The following ASPM variants were observed in gnomAD, a reference collection of about 807,000 sequenced individuals.
The protein encoded by ASPM is abnormal spindle-like microcephaly-associated protein.
A neutral mutation model predicts 366.4 loss-of-function variants in ASPM; 256 were observed. The ratio of observed to expected loss-of-function variants is 0.70; its 90% CI spans 0.63 to 0.77. The LOEUF is 0.77. Ranked by LOEUF, ASPM falls within the 30% of genes least tolerant of loss-of-function variation. The probability of loss-of-function intolerance (pLI) is 0.00; values close to 1 mark genes in which losing one functional copy is unlikely to be tolerated. For missense variants in ASPM, 4,146 were observed against 4,090.4 expected, an observed-to-expected ratio of 1.01 and a Z score of -0.37; for synonymous variants, 1,414 against 1,342.9, an observed-to-expected ratio of 1.05 and a Z score of -1.16.
At position 197,142,871 on chromosome 1, in the gene ASPM, A is replaced by G. The variant is rs753088118; in HGVS notation, c.1381T>C (p.Tyr461His). ...TTATTTTGTTTTATAAAACTGTAGT[A>G]ATTTGACTTCATTTCTACTAGTTCT... ...FEELVEMKSN[Y>H]YSFIKQNNPK... The change falls in exon 3 of 28, where the codon TAC (tyrosine) becomes CAC (histidine). Residue 461 changes from tyrosine to histidine, a missense_variant. Tyr to His is a moderately conservative substitution (Grantham distance 83). Coordinates refer to ENST00000367409, the MANE Select transcript of ASPM (RefSeq NM_018136.5). 5 of 1,613,308 alleles carry G rather than the reference A, an allele frequency of 3.1e-6. No homozygotes were observed. In the South Asian group the frequency reaches 5.5e-5, roughly 18 times the overall value.
rs1275270365 is a variant in ASPM at position 197,100,758 on chromosome 1, T to C, written c.8493A>G (p.Arg2831=). The change falls in exon 18 of 28, where the codon AGA becomes AGG. Residue 2831 remains arginine (R), a synonymous_variant. Coordinates refer to ENST00000367409, the MANE Select transcript of ASPM (RefSeq NM_018136.5). ...CAGCACATTTCTGTGTTTCCAGTTT[T>C]CTTGTGACCATTCTACAAAAAGCTT... ...IQKAFCRMVT[R]KLETQKCAAL... 3 of 1,612,520 alleles carry C rather than the reference T, an allele frequency of 1.9e-6. No individual in the cohort carries two copies. The Admixed American group carries it at 5.0e-5, about 27-fold the overall frequency.
chr1:197,140,873 T>C (rs2125112865), intron 3 of ASPM, among the ~76,000 whole-genome samples: 1 of 152,256 alleles, frequency 6.6e-6, no homozygotes, highest in African/African-American at 2.4e-5. Context: ...AAACAACCCT[T>C]AATACCAACT....
rs780770729 is a variant in ASPM, at chr1:197,103,165, G to A, written c.6086C>T (p.Ser2029Leu). The change falls in exon 18 of 28, where the codon TCA becomes TTA. Residue 2029 changes from serine (S) to leucine (L), a missense_variant. Around this residue, in one of 3 missense-constraint regions of ASPM, gnomAD observed 3,624 missense variants for 3,591.7 expected, o/e 1.01. Coordinates refer to ENST00000367409, the MANE Select transcript of ASPM (RefSeq NM_018136.5). Reference sequence around the variant, plus strand: ...TCTCACTTTCATACCACGATAAGCTGACTGTAAAGTTACTACAGCTGCTTT... The same window carrying A: ...TCTCACTTTCATACCACGATAAGCTAACTGTAAAGTTACTACAGCTGCTTT... Reference protein sequence around the residue: ...KTKAAVVTLQSAYRGMKVRKR... With the variant: ...KTKAAVVTLQLAYRGMKVRKR... The A allele has an allele frequency of 1.2e-6, 2 of 1,612,618 alleles. No individual in the cohort carries two copies. The highest frequency in any genetic ancestry group is 1.7e-5 in the Admixed American group (1 of 59,764).
chr1:197,131,740 T>G (rs1013293777), intron 7 of ASPM, among the ~76,000 whole-genome samples: 1 of 151,868 alleles, frequency 6.6e-6, no homozygotes, highest in Non-Finnish European at 1.5e-5. Flanking sequence ...TTTGTATTTT[T>G]AGTAGAGATA....
chr1:197,098,470 G>A (rs1657050486), intron 18 of ASPM, among the ~76,000 whole-genome samples: 1 of 151,600 alleles, frequency 6.6e-6, no homozygotes, highest in Non-Finnish European at 1.5e-5. Flanking sequence ...AATTATGTAA[G>A]AGAAAAAAAT....
At chr1:197,127,107 T>G (rs763259823) in intron 10 of ASPM, among the ~76,000 whole-genome samples, 2 of 152,232 alleles carry the variant, frequency 1.3e-5, no homozygotes, top group Non-Finnish European at 2.9e-5. Flanking sequence ...TTTCTCTAAA[T>G]ATTCACAGTT....
At chr1:197,086,188 G>A (rs1008680937) in intron 27 of ASPM, among the ~76,000 whole-genome samples, 3 of 151,740 alleles carry the variant, frequency 2.0e-5, no homozygotes, top group Non-Finnish European at 4.4e-5. Context: ...TGTCAATAAT[G>A]TAGGATTTGT....
rs373870348 is a variant in ASPM at position 197,101,036 on chromosome 1, G to C, written c.8215C>G (p.Gln2739Glu). 1.9e-6 allele frequency: 3 copies of C among 1,611,712 alleles called. No homozygotes were observed. The highest frequency in any genetic ancestry group is 1.7e-4 in the Middle Eastern group (1 of 6,034). Residue 2739 changes from glutamine (Q) to glutamate (E), a missense_variant, in exon 18 of 28, where the codon CAG (glutamine) becomes GAG (glutamate). Gln to Glu is a conservative substitution (Grantham distance 29). This residue lies in a region of ASPM where 3,624 missense variants were observed against 3,591.7 expected (regional missense o/e 1.01). Coordinates refer to ENST00000367409, the MANE Select transcript of ASPM (RefSeq NM_018136.5). ...KTERKNFLAV[Q>E]KSVRTIQAAF... Reference sequence around the variant, plus strand: ...GCCTGAATAGTTCGTACAGATTTCTGAACTGCTAAAAAGTTTTTTCTTTCT... The same window carrying C: ...GCCTGAATAGTTCGTACAGATTTCTCAACTGCTAAAAAGTTTTTTCTTTCT...
At chr1:197,108,768 C>T (rs1001815712) in intron 17 of ASPM, among the ~76,000 whole-genome samples, 24 of 151,704 alleles carry the variant, frequency 1.6e-4, no homozygotes, top group Admixed American at 1.3e-3. Context: ...CCCAGGAGTT[C>T]GAGACCAGCC....
chr1:197,101,963 G>A lies in ASPM; in HGVS notation c.7288C>T (p.Leu2430Phe), dbSNP rs768009206. ...TGAACAAAAATAGTAGCTTTTTTGAGGGAAATGAATCTTCTCCTCACCAGT... is the reference window on the plus strand; with the variant it reads ...TGAACAAAAATAGTAGCTTTTTTGAAGGAAATGAATCTTCTCCTCACCAGT... The part of the protein sequence containing the change: ...SLLVRRRFIS[L>F]KKATIFVQRK... The change falls in exon 18 of 28, where the codon CTC (leucine) becomes TTC (phenylalanine). Residue 2430 changes from leucine to phenylalanine, a missense_variant. Physicochemically the swap from Leu to Phe is conservative, Grantham distance 22. Transcript: ENST00000367409. 3.7e-6 allele frequency: 6 copies of A among 1,612,716 alleles called. No individual in the cohort carries two copies. The South Asian group carries it at 6.6e-5, about 18-fold the overall frequency.
intron 18 of ASPM, among the ~76,000 whole-genome samples, chr1:197,099,719 C>T (rs980853378): frequency 2.0e-5 from 3 of 151,704 alleles, no homozygotes; most frequent in Admixed American, 1.3e-4. Flanking sequence ...TGAATTAAAA[C>T]ATTATTTCTA....
intron 9 of ASPM, among the ~76,000 whole-genome samples, 200 bp downstream of exon 9, chr1:197,128,987 C>T (rs1323508727): frequency 6.6e-6 from 1 of 152,044 alleles, no homozygotes; most frequent in Non-Finnish European, 1.5e-5. Context: ...TGATAATGTG[C>T]TGATGAAAGG....
Position 197,092,058 on chromosome 1 carries a change from T to G in ASPM, c.9295-2A>C, listed in dbSNP as rs1252485316. The G allele has an allele frequency of 6.2e-7, 1 of 1,610,990 alleles. No homozygotes were observed. Among genetic ancestry groups the G allele is most frequent in the East Asian group, 2.2e-5 (1 of 44,708 alleles). On this transcript the variant is annotated splice_acceptor_variant, in intron 21 of 27. Coordinates refer to ENST00000367409, the MANE Select transcript of ASPM (RefSeq NM_018136.5). LOFTEE classifies it high-confidence loss of function. ...AATTTTGGCTCTCTGTTCTAAAAAC[T>G]AAAGGTGAAAAAACAAAGCATATTC...
At chr1:197,120,974 A>G (rs962600901) in intron 16 of ASPM, among the ~76,000 whole-genome samples, 8 of 152,150 alleles carry the variant, frequency 5.3e-5, no homozygotes, top group Non-Finnish European at 1.0e-4. Flanking sequence ...AAAAACACAT[A>G]TTGTGTTTGA....
chr1:197,132,431 A>G (rs1464262471), intron 6 of ASPM, 79 bp from the exon 7 acceptor site: 8 of 1,200,156 alleles, frequency 6.7e-6, no homozygotes, highest in South Asian at 1.3e-5. Flanking sequence ...AGGAGAGTAT[A>G]TCAGTGGGAA....
Position 197,101,638 on chromosome 1 carries a change from T to A in ASPM, c.7613A>T (p.Gln2538Leu). 1 of 1,611,910 alleles carries A rather than the reference T, an allele frequency of 6.2e-7. No individual in the cohort carries two copies. The highest frequency in any genetic ancestry group is 8.5e-7 in the Non-Finnish European group (1 of 1,179,090). The part of the protein sequence containing the change: ...IRQWHSAVVI[Q>L]AAYKGMKARQ... Reference sequence around the variant, plus strand: ...TGCTTTCATTCCTTTATATGCAGCCTGAATAACCACAGCAGAATGCCATTG... The same window carrying A: ...TGCTTTCATTCCTTTATATGCAGCCAGAATAACCACAGCAGAATGCCATTG... Residue 2538 changes from glutamine to leucine, a missense_variant, in exon 18 of 28, where the codon CAG (glutamine) becomes CTG (leucine). Coordinates refer to ENST00000367409, the MANE Select transcript of ASPM (RefSeq NM_018136.5).
rs1475556332 is a variant in ASPM, at chr1:197,103,352, G to A, written c.5899C>T (p.Leu1967Phe). The change falls in exon 18 of 28, where the codon CTT (leucine) becomes TTT (phenylalanine). Residue 1967 changes from leucine to phenylalanine, a missense_variant. By Grantham distance (22) the Leu-to-Phe change is conservative. Coordinates refer to ENST00000367409, the MANE Select transcript of ASPM (RefSeq NM_018136.5). ...MWKGKTLRRQLQRQHKCAIII... is the reference protein window; with the variant it reads ...MWKGKTLRRQFQRQHKCAIII... ...ATAGCACATTTATGTTGCCTTTGAA[G>A]CTGTCTTCTCAGTGTTTTTCCCTTC... is the stretch of plus-strand genomic sequence containing the variant. 6.2e-7 allele frequency: 1 copy of A among 1,613,228 alleles called. No homozygotes were observed. Among genetic ancestry groups the A allele is most frequent in the Admixed American group, 1.7e-5 (1 of 59,876 alleles).
intron 17 of ASPM, among the ~76,000 whole-genome samples, chr1:197,114,466 T>C (rs1219183456): frequency 6.6e-6 from 1 of 152,240 alleles, no homozygotes; most frequent in African/African-American, 2.4e-5. Context: ...ATGCCACTTA[T>C]TAGCGTTTTA....
chr1:197,106,230 T>C (rs1657405586), intron 17 of ASPM, among the ~76,000 whole-genome samples: 1 of 152,030 alleles, frequency 6.6e-6, no homozygotes, highest in African/African-American at 2.4e-5. Flanking sequence ...CTACTAAATG[T>C]TACCTGAGGT....
Sources: gnomAD v4.1 joint callset for allele counts (sites outside exome capture counted in the v4.1 genomes callset) on GRCh38, gnomAD v4.1.1 for gene constraint, gnomAD v4.1.1 regional missense constraint, MANE v1.5 for transcripts, NCBI Gene and HGNC (gene_info 2026-07-23, HGNC 2026-07-21) for gene names.